The following DCC variants were observed in gnomAD, a reference collection of about 807,000 sequenced individuals.
DCC encodes netrin receptor DCC.
Under a neutral mutation model 172.5 loss-of-function variants are expected in DCC, and 58 were observed. That is an observed-to-expected ratio of 0.34 (90% CI 0.27 to 0.42). The LOEUF (loss-of-function observed/expected upper bound fraction) is 0.42. Among genes scored for constraint, DCC ranks in the 10% least tolerant of loss-of-function variants. DCC has a pLI of 1.00. For synonymous variants in DCC, 709 were observed against 644.5 expected (o/e 1.10, Z -1.52); for missense variants, 1,740 against 1,791.0 (o/e 0.97, Z 0.51).
chr18:52,983,725 C>A (rs898431250), intron 5 of DCC, among the ~76,000 whole-genome samples: 1 of 152,128 alleles, frequency 6.6e-6, no homozygotes, highest in Non-Finnish European at 1.5e-5. Context: ...TTATTAAAAG[C>A]AGTTTAAATT....
intron 1 of DCC, among the ~76,000 whole-genome samples, chr18:52,441,724 C>A (rs1987974775): frequency 6.6e-6 from 1 of 152,146 alleles, no homozygotes; most frequent in Non-Finnish European, 1.5e-5. Flanking sequence ...GTACTTCAAG[C>A]ACCTAAGGGA....
At chr18:53,456,002 A>T (rs1852559598) in intron 23 of DCC, among the ~76,000 whole-genome samples, 1 of 152,256 alleles carries the variant, frequency 6.6e-6, no homozygotes, top group Admixed American at 6.5e-5. Flanking sequence ...TAAAGGAAAC[A>T]GAGTTTGCTC....
intron 2 of DCC, among the ~76,000 whole-genome samples, chr18:52,811,046 G>A (rs765596446): frequency 1.6e-4 from 25 of 152,194 alleles, no homozygotes; most frequent in Non-Finnish European, 2.9e-4. Flanking sequence ...CACACAAATC[G>A]TTGATGAATT....
At chr18:52,916,393 G>A (rs1346875709) in intron 3 of DCC, among the ~76,000 whole-genome samples, 1 of 152,130 alleles carries the variant, frequency 6.6e-6, no homozygotes, top group Non-Finnish European at 1.5e-5. Context: ...TTAGAAATTT[G>A]CAAAACATGT....
At chr18:52,402,126 T>C (rs1191513604) in intron 1 of DCC, among the ~76,000 whole-genome samples, 2 of 152,008 alleles carry the variant, frequency 1.3e-5, no homozygotes, top group East Asian at 3.9e-4. Context: ...GGTTATACTT[T>C]AGAAATCCTT....
At chr18:53,199,295 TG>T (rs2055498681) in intron 9 of DCC, among the ~76,000 whole-genome samples, 1 of 151,984 alleles carries the variant, frequency 6.6e-6, no homozygotes. Flanking sequence ...ATCATCTTGT[TG>T]GCCAGGCTGG....
chr18:53,295,780 C>T (rs957767243), intron 12 of DCC, among the ~76,000 whole-genome samples: 1 of 152,076 alleles, frequency 6.6e-6, no homozygotes, highest in African/African-American at 2.4e-5. Flanking sequence ...TTCAGAAAAC[C>T]TTATCCATGT....
At chr18:52,350,715 C>G (rs1272553587) in intron 1 of DCC, among the ~76,000 whole-genome samples, 3 of 152,046 alleles carry the variant, frequency 2.0e-5, no homozygotes, top group Non-Finnish European at 4.4e-5. Context: ...CTGACAGAGC[C>G]AATTCATTCA....
At chr18:53,150,515 A>G (rs1470495018) in intron 7 of DCC, among the ~76,000 whole-genome samples, 1 of 152,220 alleles carries the variant, frequency 6.6e-6, no homozygotes, top group Non-Finnish European at 1.5e-5. Context: ...TACAATTTGT[A>G]ATAGGATCAC....
rs906893281 is a variant in DCC, at chr18:52,340,874, A to G, written c.87A>G (p.Val29=). The change falls in exon 1 of 29, where the codon GTA becomes GTG. Residue 29 remains valine, a synonymous_variant. Coordinates refer to ENST00000442544, the MANE Select transcript of DCC (RefSeq NM_005215.4). ...CCTTGTTCAGCGCGCATCTTCAAGT[A>G]ACCGGTAAGTGGCTCTTTCCTTTCT... ...GASLFSAHLQ[V]TGFQIKAFTA... 7.4e-6 allele frequency: 12 copies of G among 1,612,010 alleles called. No individual in the cohort carries two copies. Among genetic ancestry groups the G allele is most frequent in the Non-Finnish European group, 9.3e-6 (11 of 1,178,198 alleles).
At chr18:53,218,825 T>C (rs1254193714) in intron 12 of DCC, among the ~76,000 whole-genome samples, 1 of 152,180 alleles carries the variant, frequency 6.6e-6, no homozygotes, top group Non-Finnish European at 1.5e-5. Flanking sequence ...TATTCAATTA[T>C]TATTGATTCA....
intron 7 of DCC, among the ~76,000 whole-genome samples, chr18:53,130,012 T>C (rs2043627200): frequency 6.6e-6 from 1 of 152,152 alleles, no homozygotes; most frequent in Non-Finnish European, 1.5e-5. Context: ...ATATTTAGTG[T>C]TGGATTTTAA....
chr18:53,091,811 ATATCTATCTATCTATCTATC>A (rs750251115), intron 7 of DCC, among the ~76,000 whole-genome samples: 1 of 141,190 alleles, frequency 7.1e-6, no homozygotes, highest in African/African-American at 2.7e-5. Context: ...CACTGTACAT[ATATCTATCTATCTATCTATC>A]TATCTATCTA....
At chr18:53,440,980 G>A (rs1912236480) in intron 22 of DCC, among the ~76,000 whole-genome samples, 2 of 152,284 alleles carry the variant, frequency 1.3e-5, no homozygotes, top group South Asian at 4.1e-4. Context: ...TTTCTTTGTT[G>A]TGGGCACATG....
At chr18:53,127,409 C>T (rs2043579194) in intron 7 of DCC, among the ~76,000 whole-genome samples, 1 of 152,020 alleles carries the variant, frequency 6.6e-6, no homozygotes. Flanking sequence ...TAAAATTTGC[C>T]TTGCTGCTCT....
At position 53,011,047 on chromosome 18, in the gene DCC, A is replaced by G. The variant is rs73463149; in HGVS notation, c.986-52258A>G. 2.2e-3 allele frequency among the ~76,000 whole-genome samples: 334 copies of G among 151,560 alleles called. 5 individuals carry two copies. Among genetic ancestry groups the G allele is most frequent in the African/African-American group, 7.7e-3 (319 of 41,538 alleles). Reference sequence around the variant, plus strand: ...AAATTTAAATTGCATAATATATTAAATTTATACAAGGTATTAAATATGCTG... The same window carrying G: ...AAATTTAAATTGCATAATATATTAAGTTTATACAAGGTATTAAATATGCTG... On this transcript the variant is annotated intron_variant, in intron 5 of 28. Transcript: ENST00000442544.
At chr18:52,488,707 C>T (rs1279106324) in intron 1 of DCC, among the ~76,000 whole-genome samples, 2 of 152,058 alleles carry the variant, frequency 1.3e-5, no homozygotes, top group African/African-American at 2.4e-5. Flanking sequence ...TTAAATGCAA[C>T]GTTTCAAGCT....
intron 1 of DCC, among the ~76,000 whole-genome samples, chr18:52,714,298 G>A (rs554541745): frequency 2.0e-5 from 3 of 150,570 alleles, no homozygotes; most frequent in South Asian, 2.1e-4. Flanking sequence ...ACACTTTGGG[G>A]CCAGACTTTG....
intron 5 of DCC, among the ~76,000 whole-genome samples, chr18:52,927,196 TAG>T (rs370793601): frequency 2.3e-4 from 25 of 110,744 alleles, no homozygotes; most frequent in East Asian, 1.6e-3. Flanking sequence ...TACGTATATA[TAG>T]GTGTATATGT....
Sources: allele counts gnomAD v4.1 joint callset (sites outside exome capture counted in the v4.1 genomes callset), GRCh38; gene constraint gnomAD v4.1.1; transcripts MANE v1.5; gene names NCBI Gene and HGNC (gene_info 2026-07-23, HGNC 2026-07-21).